The following MTOR variants were observed in gnomAD, a reference collection of about 807,000 sequenced individuals.
MTOR encodes the protein mechanistic target of rapamycin kinase.
In MTOR, 70 loss-of-function variants were observed where a neutral mutation model predicts 319.8. The ratio of observed to expected loss-of-function variants is 0.22; its 90% CI spans 0.18 to 0.27. The LOEUF is 0.27. Among genes scored for constraint, MTOR ranks in the 10% least tolerant of loss-of-function variants. The pLI, the probability that MTOR is intolerant of heterozygous loss-of-function variation, is 1.00. For missense variants in MTOR, 1,890 were observed against 3,274.4 expected, an observed-to-expected ratio of 0.58 and a Z score of 10.32; for synonymous variants, 1,183 against 1,211.4, an observed-to-expected ratio of 0.98 and a Z score of 0.49.
chr1:11,204,754 G>GAAAAAAA, intron 25 of MTOR, 51 bp from the exon 26 acceptor site: 1 of 1,566,432 alleles, frequency 6.4e-7, no homozygotes, highest in Admixed American at 1.9e-5. Context: ...AGGGCCAATT[G>GAAAAAAA]AAAAAAGTCC....
At chr1:11,152,475 C>G (rs1206916383) in intron 30 of MTOR, 1 of 151,008 alleles carries the variant, frequency 6.6e-6, no homozygotes, top group African/African-American at 2.5e-5. Flanking sequence ...CTCCATGGCT[C>G]CTCTTAGGGT....
chr1:11,194,647 C>T (rs916591081), intron 28 of MTOR: 6 of 1,614,178 alleles, frequency 3.7e-6, no homozygotes, highest in Non-Finnish European at 4.2e-6. Flanking sequence ...CAAGTGTGCA[C>T]AGCTCCGCAA....
rs773444927 is a variant in MTOR at position 11,121,954 on chromosome 1, T to C, written c.6810+25A>G. 6.8e-6 allele frequency: 11 copies of C among 1,612,520 alleles called. No homozygotes were observed. The highest frequency in any genetic ancestry group is 9.3e-6 in the Non-Finnish European group (11 of 1,179,032). On this transcript the variant is annotated intron_variant, in intron 48 of 57. Coordinates refer to ENST00000361445, the MANE Select transcript of MTOR (RefSeq NM_004958.4). The surrounding 1 kb of genome is among the most constrained non-coding windows in gnomAD (Gnocchi z 4.9). ...AGATTCCCTGCCACGGAAGGGGCAC[T>C]AGCTCTCGTGGCCGCATCACATACC...
At chr1:11,206,647 G>A (rs952910262) in intron 25 of MTOR, among the ~76,000 whole-genome samples, 2 of 152,170 alleles carry the variant, frequency 1.3e-5, no homozygotes, top group African/African-American at 4.8e-5. Context: ...TTAATTTATT[G>A]ACTAGGCCAA....
At position 11,248,122 on chromosome 1, in the gene MTOR, T is replaced by C. The variant is rs774241283; in HGVS notation, c.841-28A>G. The C allele has an allele frequency of 5.9e-5, 91 of 1,550,132 alleles. 1 individual carries two copies. The Admixed American group carries it at 1.7e-3, about 28-fold the overall frequency. On this transcript the variant is annotated intron_variant, in intron 6 of 57. Coordinates refer to ENST00000361445, the MANE Select transcript of MTOR (RefSeq NM_004958.4). ...ATATATATGAGGAGGAAAAAAATCA[T>C]CTTTACTTATGACTGGCATTCAAAC...
chr1:11,231,050 A>T lies in MTOR; in HGVS notation c.2654T>A (p.Ile885Asn). The T allele has an allele frequency of 6.2e-7, 1 of 1,614,140 alleles. No homozygotes were observed. The highest frequency in any genetic ancestry group is 8.5e-7 in the Non-Finnish European group (1 of 1,180,036). The part of the protein sequence containing the change: ...EQNQGTRREA[I>N]RVLGLLGALD... ...AGCCCCTAAAAGCCCTAACACACGGATGGCCTGCGTGGGAAAGGGGAGGGA... is the reference window on the plus strand; with the variant it reads ...AGCCCCTAAAAGCCCTAACACACGGTTGGCCTGCGTGGGAAAGGGGAGGGA... Residue 885 changes from isoleucine to asparagine, a missense_variant, in exon 18 of 58, where the codon ATC (isoleucine) becomes AAC (asparagine). Ile to Asn is a moderately radical substitution (Grantham distance 149). This residue lies in a region of MTOR where 377 missense variants were observed against 653.9 expected (regional missense o/e 0.58). Transcript: ENST00000361445.
intron 28 of MTOR, among the ~76,000 whole-genome samples, chr1:11,167,930 C>A (rs537995554): frequency 1.3e-5 from 2 of 152,166 alleles, no homozygotes; most frequent in South Asian, 4.2e-4. Context: ...ATTAGCCGGG[C>A]GTGGTGGCAG....
chr1:11,253,167 G>A (rs1649923311), intron 6 of MTOR, among the ~76,000 whole-genome samples: 1 of 152,096 alleles, frequency 6.6e-6, no homozygotes, highest in African/African-American at 2.4e-5. Context: ...GTGCATTGTG[G>A]TCCGATGCTT....
intron 19 of MTOR, among the ~76,000 whole-genome samples, chr1:11,218,184 C>A (rs940822577): frequency 2.0e-5 from 3 of 152,140 alleles, no homozygotes; most frequent in Non-Finnish European, 4.4e-5. Flanking sequence ...GTAATCCCAG[C>A]ACTTTGGGAG....
At chr1:11,202,091 C>A (rs1169820549) in intron 26 of MTOR, among the ~76,000 whole-genome samples, 1 of 152,164 alleles carries the variant, frequency 6.6e-6, no homozygotes, top group African/African-American at 2.4e-5. Flanking sequence ...TAGGCAGGAG[C>A]CACAATGCCC....
At chr1:11,205,948 G>C (rs1646123802) in intron 25 of MTOR, among the ~76,000 whole-genome samples, 1 of 152,198 alleles carries the variant, frequency 6.6e-6, no homozygotes. Context: ...TCACCTCCCT[G>C]GGATACACTG....
At chr1:11,175,647 C>T (rs1284869965) in intron 28 of MTOR, among the ~76,000 whole-genome samples, 3 of 152,282 alleles carry the variant, frequency 2.0e-5, no homozygotes, top group African/African-American at 4.8e-5. Flanking sequence ...ACACTTCCCC[C>T]GGCAAAGGCC....
At chr1:11,142,590 C>A (rs1643766171) in intron 34 of MTOR, among the ~76,000 whole-genome samples, 1 of 152,168 alleles carries the variant, frequency 6.6e-6, no homozygotes, top group Admixed American at 6.5e-5. Flanking sequence ...AGCCACCATG[C>A]CTGGCCAAGT....
intron 16 of MTOR, among the ~76,000 whole-genome samples, chr1:11,231,824 C>T (rs1436479020): frequency 6.6e-6 from 1 of 152,076 alleles, no homozygotes; most frequent in Admixed American, 6.5e-5. Flanking sequence ...CTCCTGGAAT[C>T]GAGTGATCTT....
chr1:11,232,718 TACAAGA>T (rs988923096), intron 15 of MTOR, among the ~76,000 whole-genome samples, 190 bp from the exon 16 acceptor site: 16 of 151,794 alleles, frequency 1.1e-4, no homozygotes, highest in African/African-American at 3.9e-4. Flanking sequence ...CTACTAAAAA[TACAAGA>T]ATTAGCCAGG....
intron 4 of MTOR, among the ~76,000 whole-genome samples, chr1:11,256,489 C>A (rs1226216656): frequency 1.3e-5 from 2 of 152,192 alleles, no homozygotes; most frequent in Non-Finnish European, 2.9e-5. Flanking sequence ...TAGAACTCTA[C>A]CTGGAATACA....
intron 8 of MTOR, among the ~76,000 whole-genome samples, chr1:11,244,816 A>G (rs4845859): frequency 0.64 from 97,771 of 152,066 alleles, 33,779 homozygotes; most frequent in East Asian, 0.91. Flanking sequence ...GTTGCCTAGA[A>G]TATTCATTAC....
rs1321403537 is a variant in MTOR at position 11,240,532 on chromosome 1, T to C, written c.1557A>G (p.Ala519=). Residue 519 remains alanine, a synonymous_variant, in exon 11 of 58, where the codon GCA becomes GCG. Transcript: ENST00000361445. ...TCTGACGGCTCAGGTCGTAGAGCAC[T>C]GCAGTGAGGGCAGGGCTGAGGGGAA... is the stretch of plus-strand genomic sequence containing the variant. ...LAVGLSPALT[A]VLYDLSRQIP... 6.2e-7 allele frequency: 1 copy of C among 1,614,000 alleles called. No homozygotes were observed. The highest frequency in any genetic ancestry group is 8.5e-7 in the Non-Finnish European group (1 of 1,179,990).
chr1:11,258,410 G>A, intron 3 of MTOR, 75 bp downstream of exon 3: 1 of 993,086 alleles, frequency 1.0e-6, no homozygotes, highest in Non-Finnish European at 1.5e-6. Flanking sequence ...CTAGTATCCA[G>A]TAAGTGGCAG....
Sources: gnomAD v4.1 joint callset for allele counts (sites outside exome capture counted in the v4.1 genomes callset) on GRCh38, gnomAD v4.1.1 for gene constraint, gnomAD v4.1.1 regional missense constraint, Gnocchi (gnomAD v3.1) non-coding constraint, MANE v1.5 for transcripts, NCBI Gene and HGNC (gene_info 2026-07-23, HGNC 2026-07-21) for gene names.